Variants in DPH6 observed in about 807,000 individuals in gnomAD.
DPH6 encodes the protein diphthine--ammonia ligase.
DPH6 carries 33 observed loss-of-function variants against 38.2 expected under a neutral mutation model. The observed-to-expected ratio is 0.86, with a 90% CI of 0.65 to 1.15. The LOEUF (loss-of-function observed/expected upper bound fraction) is 1.15. Ranked by LOEUF, DPH6 falls within the 50% of genes most tolerant of loss-of-function variation. The pLI is 0.00. For missense variants in DPH6, 325 were observed against 320.0 expected, an observed-to-expected ratio of 1.02 and a Z score of -0.12; for synonymous variants, 108 against 103.0, an observed-to-expected ratio of 1.05 and a Z score of -0.30.
At chr15:35,508,940 T>C (rs1003497352) in intron 3 of DPH6, among the ~76,000 whole-genome samples, 12 of 152,180 alleles carry the variant, frequency 7.9e-5, no homozygotes, top group Admixed American at 2.0e-4. Context: ...ATAAGGAATA[T>C]CTACTTCCTT....
intron 3 of DPH6, chr15:35,237,428 G>A: frequency 1.9e-6 from 3 of 1,605,832 alleles, no homozygotes; most frequent in South Asian, 2.2e-5. Flanking sequence ...AGGCAAACTC[G>A]AAGGCCTCAC....
intron 5 of DPH6, among the ~76,000 whole-genome samples, chr15:35,436,504 C>CAAAAAAAA (rs371533654): frequency 9.2e-6 from 1 of 108,214 alleles, no homozygotes; most frequent in African/African-American, 4.3e-5. Flanking sequence ...CAAAACAAAA[C>CAAAAAAAA]AAAACAAAAC....
intron 3 of DPH6, among the ~76,000 whole-genome samples, chr15:35,365,603 T>C (rs1463525147): frequency 1.3e-5 from 2 of 152,092 alleles, no homozygotes; most frequent in African/African-American, 4.8e-5. Context: ...TTTGGAAGCA[T>C]TGATTGTTAC....
chr15:35,407,497 C>T (rs1439570355), intron 6 of DPH6, among the ~76,000 whole-genome samples: 1 of 151,950 alleles, frequency 6.6e-6, no homozygotes, highest in Non-Finnish European at 1.5e-5. Flanking sequence ...TAACATCTGC[C>T]AAAATCTTGG....
intron 3 of DPH6, among the ~76,000 whole-genome samples, chr15:35,338,526 G>T (rs905811454): frequency 4.6e-5 from 7 of 152,218 alleles, no homozygotes; most frequent in Admixed American, 4.6e-4. Context: ...AAAAAGTCAG[G>T]AAACAACAGG....
At chr15:35,359,972 A>T (rs529159325) in intron 3 of DPH6, among the ~76,000 whole-genome samples, 4 of 152,144 alleles carry the variant, frequency 2.6e-5, no homozygotes, top group African/African-American at 9.6e-5. Context: ...AACTTCTTTA[A>T]AATGGTTATT....
At chr15:35,382,674 G>A (rs1332817885) in intron 6 of DPH6, among the ~76,000 whole-genome samples, 2 of 152,010 alleles carry the variant, frequency 1.3e-5, no homozygotes, top group South Asian at 4.1e-4. Context: ...CTTTCCTTAG[G>A]CATGAACAAA....
At chr15:35,467,628 C>T (rs2054144050) in intron 3 of DPH6, among the ~76,000 whole-genome samples, 1 of 152,150 alleles carries the variant, frequency 6.6e-6, no homozygotes, top group African/African-American at 2.4e-5. Context: ...ATTAGCCTAA[C>T]AGTGTCAAGG....
chr15:35,301,192 T>C (rs2052052458), intron 3 of DPH6, among the ~76,000 whole-genome samples: 1 of 152,196 alleles, frequency 6.6e-6, no homozygotes, highest in African/African-American at 2.4e-5. Flanking sequence ...CAATATTTAC[T>C]TGATCACATA....
At chr15:35,324,022 C>T (rs1463111759) in intron 3 of DPH6, among the ~76,000 whole-genome samples, 1 of 152,086 alleles carries the variant, frequency 6.6e-6, no homozygotes, top group Non-Finnish European at 1.5e-5. Context: ...GCATCAAAGC[C>T]AGTGTGCTTG....
At chr15:35,310,942 C>A (rs982923911) in intron 3 of DPH6, among the ~76,000 whole-genome samples, 1 of 151,548 alleles carries the variant, frequency 6.6e-6, no homozygotes, top group Non-Finnish European at 1.5e-5. Flanking sequence ...GCCTGTAATC[C>A]CAGCTACTCA....
chr15:35,229,795 G>A (rs1303711196), intron 3 of DPH6, among the ~76,000 whole-genome samples: 2 of 152,180 alleles, frequency 1.3e-5, no homozygotes, highest in African/African-American at 4.8e-5. Context: ...GACTTGTAGA[G>A]GTATACTGCC....
At chr15:35,544,556 C>T (rs1413434437) in intron 1 of DPH6, among the ~76,000 whole-genome samples, 1 of 151,722 alleles carries the variant, frequency 6.6e-6, no homozygotes, top group Non-Finnish European at 1.5e-5. Context: ...TGTAAGAATC[C>T]CAGTTTCACT....
At chr15:35,288,707 A>C (rs1027419708) in intron 3 of DPH6, among the ~76,000 whole-genome samples, 2 of 152,132 alleles carry the variant, frequency 1.3e-5, no homozygotes, top group Non-Finnish European at 2.9e-5. Context: ...ATTATGACAA[A>C]TCCCATCATC....
intron 3 of DPH6, among the ~76,000 whole-genome samples, chr15:35,486,733 T>A (rs1450265352): frequency 6.6e-6 from 1 of 152,128 alleles, no homozygotes; most frequent in Non-Finnish European, 1.5e-5. Flanking sequence ...AAACCAATCA[T>A]GCATTTCCAA....
intron 5 of DPH6, among the ~76,000 whole-genome samples, chr15:35,415,248 C>G (rs1343355896): frequency 6.6e-6 from 1 of 150,462 alleles, no homozygotes; most frequent in Non-Finnish European, 1.5e-5. Context: ...TTCCCTCTAA[C>G]TGTGTGTGTG....
chr15:35,343,713 G>C (rs1331089850), intron 3 of DPH6, among the ~76,000 whole-genome samples: 2 of 151,916 alleles, frequency 1.3e-5, no homozygotes, highest in African/African-American at 4.8e-5. Context: ...GTTGGATTTG[G>C]TGACATTGTA....
At chr15:35,213,942 C>T (rs2051400152), downstream of DPH6, among the ~76,000 whole-genome samples, 2 of 152,160 alleles carry the variant, frequency 1.3e-5, no homozygotes, top group Admixed American at 6.5e-5. Flanking sequence ...GAAACCCCGT[C>T]TCTATTAAAA....
chr15:35,162,462 CA>C, the DPH6 span, among the ~76,000 whole-genome samples: 2 of 151,852 alleles, frequency 1.3e-5, no homozygotes, highest in African/African-American at 4.8e-5. Context: ...GTTCTTGCCT[CA>C]AAGCCTCTGC....
Sources: gnomAD v4.1 joint callset for allele counts (sites outside exome capture counted in the v4.1 genomes callset) on GRCh38, gnomAD v4.1.1 for gene constraint, MANE v1.5 for transcripts, NCBI Gene and HGNC (gene_info 2026-07-23, HGNC 2026-07-21) for gene names.